The following DOCK2 variants were observed in gnomAD, a reference collection of about 807,000 sequenced individuals.
DOCK2 encodes the protein dedicator of cytokinesis 2.
DOCK2 carries 87 observed loss-of-function variants against 248.9 expected under a neutral mutation model. The observed-to-expected ratio is 0.35, with a 90% CI of 0.29 to 0.42. The LOEUF (loss-of-function observed/expected upper bound fraction) is 0.42, where lower values mean the gene tolerates loss of function less well. Among genes scored for constraint, DOCK2 ranks in the 10% least tolerant of loss-of-function variants. The pLI is 1.00. For missense variants in DOCK2, 1,747 were observed against 2,300.2 expected, an observed-to-expected ratio of 0.76 and a Z score of 4.92; for synonymous variants, 805 against 821.6, an observed-to-expected ratio of 0.98 and a Z score of 0.35.
intron 27 of DOCK2, among the ~76,000 whole-genome samples, chr5:169,975,141 A>T (rs990067042): frequency 6.6e-6 from 1 of 152,196 alleles, no homozygotes; most frequent in African/African-American, 2.4e-5. Context: ...GCTAGAAAAT[A>T]ATCATTTAGC....
At chr5:169,872,673 C>G (rs570869252) in intron 27 of DOCK2, among the ~76,000 whole-genome samples, 1 of 152,230 alleles carries the variant, frequency 6.6e-6, no homozygotes, top group East Asian at 1.9e-4. Context: ...GCATGTGAAA[C>G]CCTCAGAAAG....
At chr5:170,025,820 C>CTTCCTTCT (rs1755891104) in intron 33 of DOCK2, among the ~76,000 whole-genome samples, 9 of 108,476 alleles carry the variant, frequency 8.3e-5, no homozygotes, top group African/African-American at 2.8e-4. Context: ...TCCTTCCTTC[C>CTTCCTTCT]TTCCTTCCTT....
intron 22 of DOCK2, among the ~76,000 whole-genome samples, chr5:169,745,704 G>T (rs1194326605): frequency 6.6e-6 from 1 of 152,226 alleles, no homozygotes; most frequent in Non-Finnish European, 1.5e-5. Context: ...TGAGGAGTGA[G>T]TGATTTCACA....
intron 27 of DOCK2, among the ~76,000 whole-genome samples, chr5:169,934,006 G>C (rs1480446472): frequency 6.6e-6 from 1 of 152,176 alleles, no homozygotes; most frequent in Admixed American, 6.5e-5. Context: ...GCTAATGTTA[G>C]GTTTAAGCAT....
intron 27 of DOCK2, among the ~76,000 whole-genome samples, chr5:169,925,341 A>G (rs1192355261): frequency 2.6e-5 from 4 of 152,098 alleles, no homozygotes; most frequent in African/African-American, 7.2e-5. Context: ...CGTCTTGTTG[A>G]GAGGCTGAGG....
At position 170,077,739 on chromosome 5, in the gene DOCK2, T is replaced by C. The variant is rs1045168; in HGVS notation, c.4896T>C (p.Arg1632=). The C allele has an allele frequency of 0.3, 489,988 of 1,613,170 alleles. 76,903 individuals carry two copies. Among genetic ancestry groups the C allele is most frequent in the Middle Eastern group, 0.48 (2,914 of 6,058 alleles). The part of the protein sequence containing the change: ...MPDFDDRRVG[R]PRSMLRSYRQ... ...ACTTTGACGACAGGAGAGTGGGCCG[T>C]CCCAGGTCTATGCTGCGCTCATACA... The change falls in exon 48 of 52, where the codon CGT becomes CGC. Residue 1632 remains arginine, a synonymous_variant. Coordinates refer to ENST00000520908, the MANE Select transcript of DOCK2 (RefSeq NM_004946.3).
chr5:169,836,153 C>T (rs1035418762), intron 26 of DOCK2, among the ~76,000 whole-genome samples: 1 of 152,180 alleles, frequency 6.6e-6, no homozygotes, highest in Non-Finnish European at 1.5e-5. Context: ...TAAGTAGCAT[C>T]ATTTGTGTAA....
chr5:169,856,242 G>A (rs553838333), intron 27 of DOCK2, among the ~76,000 whole-genome samples: 39 of 152,318 alleles, frequency 2.6e-4, no homozygotes, highest in Admixed American at 9.8e-4. Context: ...GAGGCAATGT[G>A]ACATTCAGGT....
Position 170,057,642 on chromosome 5 carries a change from G to C in DOCK2, c.4443G>C (p.Trp1481Cys). ...ACAAGCTGCCGGGGATCCTGCGCTG[G>C]TTTGAGGTGGTGCACATGTCGCAGG... ...TAYKLPGILRWFEVVHMSQTT... is the reference protein window; with the variant it reads ...TAYKLPGILRCFEVVHMSQTT... The change falls in exon 44 of 52, where the codon TGG becomes TGC. Residue 1481 changes from tryptophan (W) to cysteine (C), a missense_variant. By Grantham distance (215) the Trp-to-Cys change is radical. Around this residue, in one of 4 missense-constraint regions of DOCK2, gnomAD observed 513 missense variants for 586.1 expected, o/e 0.88. Coordinates refer to ENST00000520908, the MANE Select transcript of DOCK2 (RefSeq NM_004946.3). 1 of 1,613,428 alleles carries C rather than the reference G, an allele frequency of 6.2e-7. No homozygotes were observed. Among genetic ancestry groups the C allele is most frequent in the Non-Finnish European group, 8.5e-7 (1 of 1,179,568 alleles).
chr5:169,729,310 T>C (rs1458504509), intron 22 of DOCK2, among the ~76,000 whole-genome samples: 4 of 152,212 alleles, frequency 2.6e-5, no homozygotes, highest in African/African-American at 9.6e-5. Context: ...GAGGCAGGCA[T>C]CACCCCGAAG....
At chr5:169,959,395 T>G (rs576571654) in intron 27 of DOCK2, among the ~76,000 whole-genome samples, 11 of 151,600 alleles carry the variant, frequency 7.3e-5, no homozygotes, top group African/African-American at 2.7e-4. Flanking sequence ...AGGAACAAAC[T>G]ATTCCCAACA....
At chr5:169,989,607 A>G (rs1778157970) in intron 29 of DOCK2, among the ~76,000 whole-genome samples, 1 of 152,210 alleles carries the variant, frequency 6.6e-6, no homozygotes, top group African/African-American at 2.4e-5. Flanking sequence ...AGTTGCTGTC[A>G]TGAATTTGGA....
chr5:169,670,798 G>C lies in DOCK2; in HGVS notation c.224+201G>C, dbSNP rs79011178. ...ATTCATACTGAGATCTGACTCTGAG[G>C]GGGTATTAGTTTGGAGAATCAAACT... On this transcript the variant is annotated intron_variant, in intron 4 of 51. Coordinates refer to ENST00000520908, the MANE Select transcript of DOCK2 (RefSeq NM_004946.3). Among the ~76,000 whole-genome samples the C allele has an allele frequency of 2.2e-3, 328 of 152,252 alleles. 1 individual carries two copies. The highest frequency in any genetic ancestry group is 2.4e-3 in the Non-Finnish European group (162 of 68,012).
rs574694209 is a variant in DOCK2 at position 169,644,542 on chromosome 5, C to T, written c.43+7173C>T. On this transcript the variant is annotated intron_variant, in intron 1 of 51. Coordinates refer to ENST00000520908, the MANE Select transcript of DOCK2 (RefSeq NM_004946.3). ...AATGAGGGCTGCATCGAGGCCTTCC[C>T]TAGTGAAAACCTTGATCTAAGTAGT... Among the ~76,000 whole-genome samples the T allele has an allele frequency of 3.3e-5, 5 of 151,936 alleles. No individual in the cohort carries two copies. The South Asian group carries it at 1.0e-3, about 32-fold the overall frequency.
At chr5:169,689,153 A>T (rs2113396688) in intron 8 of DOCK2, 99 bp from the exon 9 acceptor site, 1 of 1,095,482 alleles carries the variant, frequency 9.1e-7, no homozygotes, top group Non-Finnish European at 1.4e-6. Flanking sequence ...CCCAGCAGCC[A>T]GTATGGTGTT....
intron 7 of DOCK2, among the ~76,000 whole-genome samples, chr5:169,683,911 G>GA (rs1344646653): frequency 6.6e-6 from 1 of 152,116 alleles, no homozygotes; most frequent in African/African-American, 2.4e-5. Flanking sequence ...TTATAGTTTT[G>GA]AAAAAATCCA....
chr5:169,819,367 T>C (rs780140898), intron 26 of DOCK2, among the ~76,000 whole-genome samples: 3 of 152,168 alleles, frequency 2.0e-5, no homozygotes, highest in Non-Finnish European at 4.4e-5. Flanking sequence ...ACGCCTTTAA[T>C]ACCAGCACTT....
chr5:169,786,982 T>C (rs921513666), intron 25 of DOCK2, among the ~76,000 whole-genome samples: 3 of 152,236 alleles, frequency 2.0e-5, no homozygotes, highest in Non-Finnish European at 4.4e-5. Flanking sequence ...CTTATACTTT[T>C]ATAATGCTTT....
intron 8 of DOCK2, among the ~76,000 whole-genome samples, chr5:169,689,023 GT>G (rs1435743817): frequency 1.3e-5 from 2 of 152,126 alleles, no homozygotes; most frequent in Non-Finnish European, 2.9e-5. Flanking sequence ...GAGAGGGATA[GT>G]AGTGGCAAAT....
Sources: allele counts gnomAD v4.1 joint callset (sites outside exome capture counted in the v4.1 genomes callset), GRCh38; gene constraint gnomAD v4.1.1; regional missense constraint gnomAD v4.1.1; transcripts MANE v1.5; gene names NCBI Gene and HGNC (gene_info 2026-07-23, HGNC 2026-07-21).